Variants in KLHL22 observed in about 807,000 individuals in gnomAD.
The protein encoded by KLHL22 is kelch-like protein 22.
In KLHL22, 18 loss-of-function variants were observed where a neutral mutation model predicts 60.7. The ratio of observed to expected loss-of-function variants is 0.30; its 90% CI spans 0.20 to 0.44. The LOEUF is 0.44. KLHL22 is among the 20% of genes least tolerant of loss of function. KLHL22 has a pLI of 1.00. For missense variants in KLHL22, 596 were observed against 852.3 expected (o/e 0.70, Z 3.74); for synonymous variants, 355 against 354.5 (o/e 1.00, Z -0.01).
intron 4 of KLHL22, among the ~76,000 whole-genome samples, chr22:20,460,270 A>C (rs1267213414): frequency 6.6e-6 from 1 of 152,166 alleles, no homozygotes; most frequent in Non-Finnish European, 1.5e-5. Flanking sequence ...TTGTCCTCAC[A>C]GCTTTTTAAG....
intron 5 of KLHL22, among the ~76,000 whole-genome samples, chr22:20,454,910 C>G (rs2053038615): frequency 6.6e-6 from 1 of 152,152 alleles, no homozygotes. Context: ...TTGGCAGAGT[C>G]TTGCTCTGTT....
chr22:20,445,095 T>C (rs921740830), intron 6 of KLHL22, among the ~76,000 whole-genome samples: 4 of 151,816 alleles, frequency 2.6e-5, no homozygotes, highest in African/African-American at 7.3e-5. Flanking sequence ...CAGAATGGGA[T>C]GCTCTTTGAC....
chr22:20,450,941 C>A, intron 5 of KLHL22: 2 of 1,611,364 alleles, frequency 1.2e-6, no homozygotes, highest in South Asian at 1.1e-5. Context: ...AGGACAAGGG[C>A]TCGCCTAGGA....
chr22:20,486,166 C>CAAAAA (rs200248872), intron 2 of KLHL22, among the ~76,000 whole-genome samples: 3 of 82,616 alleles, frequency 3.6e-5, no homozygotes, highest in African/African-American at 9.0e-5. Context: ...GATTCCGTCT[C>CAAAAA]AAAAAAAAAA....
intron 2 of KLHL22, among the ~76,000 whole-genome samples, chr22:20,473,050 A>C (rs1049809704): frequency 2.0e-5 from 3 of 152,208 alleles, no homozygotes; most frequent in African/African-American, 7.2e-5. Context: ...GGGTAGGTAC[A>C]GTCCAGATTG....
chr22:20,461,820 C>T (rs545615319), intron 4 of KLHL22, among the ~76,000 whole-genome samples: 26 of 151,914 alleles, frequency 1.7e-4, no homozygotes, highest in African/African-American at 4.8e-4. Flanking sequence ...AAAAAATGGC[C>T]GGGCGTGGTG....
intron 2 of KLHL22, among the ~76,000 whole-genome samples, chr22:20,479,036 C>G (rs1369711016): frequency 1.3e-5 from 2 of 150,876 alleles, no homozygotes; most frequent in Non-Finnish European, 3.0e-5. Flanking sequence ...GGCTGAGGAA[C>G]AAGAATTGCT....
intron 3 of KLHL22, among the ~76,000 whole-genome samples, chr22:20,469,396 G>A (rs1010780596): frequency 2.6e-5 from 4 of 152,088 alleles, no homozygotes; most frequent in African/African-American, 9.7e-5. Flanking sequence ...CGGGAGAGTG[G>A]CAGGTGTGGA....
chr22:20,454,429 C>T (rs1259336651), intron 5 of KLHL22, among the ~76,000 whole-genome samples: 1 of 152,132 alleles, frequency 6.6e-6, no homozygotes, highest in Non-Finnish European at 1.5e-5. Flanking sequence ...TATGAAGCCC[C>T]AATTCACAGC....
rs573394589 is a variant in KLHL22 at position 20,474,085 on chromosome 22, C to T, written c.228-2570G>A. Among the ~76,000 whole-genome samples, 67 of 152,234 alleles carry T rather than the reference C, an allele frequency of 4.4e-4. No individual in the cohort carries two copies. In the South Asian group the frequency reaches 8.1e-3, roughly 18 times the overall value. ...TGCGATCTTGGCTCAGTGCAACCTC[C>T]GCCTCCTGAGTTCAACTGATTCTCC... On this transcript the variant is annotated intron_variant, in intron 2 of 6. Transcript: ENST00000328879.
chr22:20,484,877 T>C (rs1467353924), intron 2 of KLHL22, among the ~76,000 whole-genome samples: 1 of 151,652 alleles, frequency 6.6e-6, no homozygotes, highest in African/African-American at 2.4e-5. Flanking sequence ...GCTGGGACTA[T>C]AGGCCACGCC....
At chr22:20,477,523 T>C (rs1319119096) in intron 2 of KLHL22, among the ~76,000 whole-genome samples, 1 of 152,186 alleles carries the variant, frequency 6.6e-6, no homozygotes, top group African/African-American at 2.4e-5. Context: ...GGAGTGTTGC[T>C]TGAGCCCAGT....
chr22:20,458,062 G>A (rs1169132886), intron 4 of KLHL22, 62 bp from the exon 5 acceptor site: 7 of 1,565,026 alleles, frequency 4.5e-6, no homozygotes, highest in Non-Finnish European at 6.1e-6. Flanking sequence ...CCGCAGGCTT[G>A]CACCTCTTGT....
chr22:20,475,601 G>A lies in KLHL22; in HGVS notation c.228-4086C>T, dbSNP rs568088417. Reference sequence around the variant, plus strand: ...TTTTAAGACGAAGTCTCACTCTGTTGCCCAAGCTGGAGTGCAGCAGCGCGA... The same window carrying A: ...TTTTAAGACGAAGTCTCACTCTGTTACCCAAGCTGGAGTGCAGCAGCGCGA... On this transcript the variant is annotated intron_variant, in intron 2 of 6. Transcript: ENST00000328879. Among the ~76,000 whole-genome samples the A allele has an allele frequency of 7.5e-4, 112 of 149,732 alleles. 1 individual carries two copies. The highest frequency in any genetic ancestry group is 2.4e-3 in the African/African-American group (99 of 40,608).
At chr22:20,450,208 C>A in intron 5 of KLHL22, 1 of 807,030 alleles carries the variant, frequency 1.2e-6, no homozygotes, top group Non-Finnish European at 2.3e-6. Context: ...TTGGGAAGAG[C>A]AATACCTTCT....
At chr22:20,448,335 A>G (rs1444072254) in intron 5 of KLHL22, among the ~76,000 whole-genome samples, 2 of 152,218 alleles carry the variant, frequency 1.3e-5, no homozygotes, top group Non-Finnish European at 2.9e-5. Context: ...CTATAATGCA[A>G]AGATTCCAAA....
At chr22:20,451,104 C>A in intron 5 of KLHL22, 1 of 1,480,862 alleles carries the variant, frequency 6.8e-7, no homozygotes, top group Non-Finnish European at 9.4e-7. Flanking sequence ...CCCTACATGA[C>A]CAGATCTACG....
At chr22:20,474,594 G>A (rs993416139) in intron 2 of KLHL22, among the ~76,000 whole-genome samples, 2 of 151,856 alleles carry the variant, frequency 1.3e-5, no homozygotes, top group Non-Finnish European at 2.9e-5. Flanking sequence ...GTTTCACCAC[G>A]TTGGCCAGGC....
intron 4 of KLHL22, among the ~76,000 whole-genome samples, chr22:20,464,194 C>A (rs1569131838): frequency 6.6e-6 from 1 of 151,222 alleles, no homozygotes; most frequent in South Asian, 2.1e-4. Flanking sequence ...TCCTACGGAC[C>A]ACAGCAGTCC....
Sources: gnomAD v4.1 joint callset for allele counts (sites outside exome capture counted in the v4.1 genomes callset) on GRCh38, gnomAD v4.1.1 for gene constraint, MANE v1.5 for transcripts, NCBI Gene and HGNC (gene_info 2026-07-23, HGNC 2026-07-21) for gene names.